CEP128: variants seen among roughly 807,000 people sequenced by gnomAD.
CEP128 encodes centrosomal protein 128, also known as centrosomal protein 128kDa.
Under a neutral mutation model 156.7 loss-of-function variants are expected in CEP128, and 132 were observed. The observed-to-expected ratio is 0.84, with a 90% CI of 0.73 to 0.97. CEP128 has a LOEUF of 0.97. CEP128 is among the 50% of genes least tolerant of loss of function. The pLI, the probability that CEP128 is intolerant of heterozygous loss-of-function variation, is 0.00. For synonymous variants in CEP128, 469 were observed against 448.9 expected, an observed-to-expected ratio of 1.04 and a Z score of -0.57; for missense variants, 1,252 against 1,281.9, an observed-to-expected ratio of 0.98 and a Z score of 0.36.
chr14:80,953,579 C>T (rs1344946702), intron 2 of CEP128, among the ~76,000 whole-genome samples: 4 of 152,238 alleles, frequency 2.6e-5, no homozygotes, highest in African/African-American at 2.4e-5. Context: ...GGCGAGACTC[C>T]GTCTCAAACA....
intron 19 of CEP128, 38 bp downstream of exon 19, chr14:80,743,031 CATAAAT>C: frequency 6.4e-7 from 1 of 1,573,236 alleles, no homozygotes; most frequent in Non-Finnish European, 8.7e-7. Context: ...ATTAGGATTC[CATAAAT>C]ATAAACAAAG....
intron 17 of CEP128, among the ~76,000 whole-genome samples, chr14:80,757,875 T>C (rs1899747658): frequency 6.6e-6 from 1 of 152,220 alleles, no homozygotes; most frequent in Non-Finnish European, 1.5e-5. Flanking sequence ...TGTATTCTTA[T>C]ATCCAATTTT....
In CEP128 at chr14:80,887,420, C is replaced by T. The variant is rs549481825; in HGVS notation, c.645+8298G>A. On this transcript the variant is annotated intron_variant, in intron 8 of 24. Coordinates refer to ENST00000555265, the MANE Select transcript of CEP128 (RefSeq NM_152446.5). The stretch of plus-strand genomic sequence containing the variant: ...AAATGCAAAAGAATGGAAATCATAA[C>T]AAACAGTCTCTCAGACCACAGTGCA... Among the ~76,000 whole-genome samples the T allele has an allele frequency of 8.4e-4, 128 of 152,264 alleles. 1 individual carries two copies. Among genetic ancestry groups the T allele is most frequent in the African/African-American group, 2.9e-3 (119 of 41,558 alleles).
downstream of CEP128, among the ~76,000 whole-genome samples, chr14:80,492,365 A>C (rs773514482): frequency 6.6e-6 from 1 of 152,182 alleles, no homozygotes; most frequent in Non-Finnish European, 1.5e-5. Context: ...AAAAATAACA[A>C]AAGTGTTTCA....
intron 3 of CEP128, 44 bp from the exon 4 acceptor site, chr14:80,914,452 T>C: frequency 6.9e-7 from 1 of 1,446,446 alleles, no homozygotes; most frequent in East Asian, 2.3e-5. Flanking sequence ...CAAATACTTT[T>C]TTTTCCTAAT....
At chr14:80,639,127 T>C (rs1311457038) in intron 19 of CEP128, among the ~76,000 whole-genome samples, 1 of 152,178 alleles carries the variant, frequency 6.6e-6, no homozygotes, top group Non-Finnish European at 1.5e-5. Flanking sequence ...AAAAAAAATC[T>C]GTATTAATAT....
In CEP128 at chr14:80,644,264, C is replaced by T. The variant is rs1387276932; in HGVS notation, c.2807-63841G>A. Among the ~76,000 whole-genome samples, 8 of 152,258 alleles carry T rather than the reference C, an allele frequency of 5.3e-5. No homozygotes were observed. In the East Asian group the frequency reaches 1.5e-3, roughly 29 times the overall value. On this transcript the variant is annotated intron_variant, in intron 19 of 24. Transcript: ENST00000555265. ...TTGTTCTAAACCACTCCGTTTGTGG[C>T]GCTTTGTTATGGTAGCCCTGGGAAA...
At chr14:80,507,027 C>G (rs1026181076) in intron 23 of CEP128, among the ~76,000 whole-genome samples, 2 of 151,842 alleles carry the variant, frequency 1.3e-5, no homozygotes, top group African/African-American at 2.4e-5. Flanking sequence ...TGTGGCACCT[C>G]CCCTCAGCTC....
chr14:80,902,743 G>GA (rs1405708712), intron 6 of CEP128, among the ~76,000 whole-genome samples: 1 of 151,856 alleles, frequency 6.6e-6, no homozygotes, highest in African/African-American at 2.4e-5. Context: ...TCAACAATCA[G>GA]AAAAAAACAC....
Position 80,792,948 on chromosome 14 carries a change from C to T in CEP128, c.1372G>A (p.Ala458Thr), listed in dbSNP as rs143121270. The T allele has an allele frequency of 3.6e-5, 58 of 1,614,084 alleles. No homozygotes were observed. The highest frequency in any genetic ancestry group is 4.7e-5 in the Non-Finnish European group (56 of 1,180,042). The change falls in exon 14 of 25, where the codon GCT becomes ACT. Residue 458 changes from alanine to threonine, a missense_variant. Coordinates refer to ENST00000555265, the MANE Select transcript of CEP128 (RefSeq NM_152446.5). The stretch of plus-strand genomic sequence containing the variant: ...TGGAGCTCACTGAGGTACCGCTCAG[C>T]CTGCTTGGTTGCATCCTCCGCATGG... ...TRHAEDATKQ[A>T]ERYLSELQQS...
intron 23 of CEP128, among the ~76,000 whole-genome samples, chr14:80,508,618 A>T (rs191439754): frequency 1.6e-4 from 24 of 152,258 alleles, no homozygotes; most frequent in African/African-American, 5.8e-4. Context: ...TTTTGTCCAT[A>T]TTTTTATGTA....
chr14:80,701,970 T>C (rs1464107550), intron 19 of CEP128, among the ~76,000 whole-genome samples: 1 of 152,188 alleles, frequency 6.6e-6, no homozygotes, highest in African/African-American at 2.4e-5. Flanking sequence ...CATTCTTTCA[T>C]TCTTGGCTCC....
chr14:80,783,063 CT>C (rs1326232099), intron 15 of CEP128, among the ~76,000 whole-genome samples: 1 of 152,132 alleles, frequency 6.6e-6, no homozygotes, highest in Non-Finnish European at 1.5e-5. Flanking sequence ...ATCTCAATTT[CT>C]CCCTCAACTC....
chr14:80,956,493 G>A (rs1886696225), intron 2 of CEP128, among the ~76,000 whole-genome samples: 1 of 152,168 alleles, frequency 6.6e-6, no homozygotes, highest in Admixed American at 6.5e-5. Flanking sequence ...CATGTTAAAT[G>A]TTACCAGATT....
chr14:80,873,724 A>G (rs933598482), intron 8 of CEP128, among the ~76,000 whole-genome samples: 1 of 152,066 alleles, frequency 6.6e-6, no homozygotes, highest in Non-Finnish European at 1.5e-5. Flanking sequence ...TGTAACTCCC[A>G]CAATTCCCAC....
chr14:80,928,779 T>G (rs989124200), intron 2 of CEP128, among the ~76,000 whole-genome samples: 4 of 151,998 alleles, frequency 2.6e-5, no homozygotes, highest in African/African-American at 7.2e-5. Flanking sequence ...TATAAAAAAT[T>G]TAAGAAGAAA....
chr14:80,857,759 C>CAAA (rs1227461008), intron 9 of CEP128, among the ~76,000 whole-genome samples: 4 of 143,248 alleles, frequency 2.8e-5, no homozygotes, highest in Non-Finnish European at 6.2e-5. Flanking sequence ...ACAACAACAA[C>CAAA]AACAACAACA....
Position 80,838,298 on chromosome 14 carries a change from TA to T in CEP128, c.850-21del. 6.4e-7 allele frequency: 1 copy of T among 1,574,720 alleles called. No homozygotes were observed. Among genetic ancestry groups the T allele is most frequent in the Non-Finnish European group, 8.7e-7 (1 of 1,146,154 alleles). ...TTCAAGCTAGAGTTTCAACAAAGGA[TA>T]AAGAAAAATGCCCAATGGAGCAGAA... On this transcript the variant is annotated intron_variant, in intron 10 of 24. Transcript: ENST00000555265.
intron 9 of CEP128, among the ~76,000 whole-genome samples, chr14:80,858,717 C>T (rs1003704092): frequency 6.6e-6 from 1 of 151,286 alleles, no homozygotes; most frequent in Non-Finnish European, 1.5e-5. Context: ...ACAAACAACC[C>T]CATCAAAAAG....
Sources: allele counts gnomAD v4.1 joint callset (sites outside exome capture counted in the v4.1 genomes callset), GRCh38; gene constraint gnomAD v4.1.1; transcripts MANE v1.5; gene names NCBI Gene and HGNC (gene_info 2026-07-23, HGNC 2026-07-21).